The following RNASEH2B variants were observed in gnomAD, a reference collection of about 807,000 sequenced individuals.
RNASEH2B encodes the protein Aicardi-Goutieres syndrome 2 protein.
Under a neutral mutation model 45.0 loss-of-function variants are expected in RNASEH2B, and 36 were observed. The ratio of observed to expected loss-of-function variants is 0.80; its 90% CI spans 0.61 to 1.06. The LOEUF is 1.06. Ranked by LOEUF, RNASEH2B falls within the 50% of genes least tolerant of loss-of-function variation. The pLI is 0.00. For missense variants in RNASEH2B, 361 were observed against 360.3 expected (o/e 1.00, Z -0.02); for synonymous variants, 119 against 125.7 (o/e 0.95, Z 0.35).
chr13:50,962,417 T>C (rs535706143), intron 9 of RNASEH2B, among the ~76,000 whole-genome samples: 1 of 152,148 alleles, frequency 6.6e-6, no homozygotes, highest in Non-Finnish European at 1.5e-5. Flanking sequence ...TCTTTTTTTT[T>C]CTTGTGCCAG....
intron 1 of RNASEH2B, among the ~76,000 whole-genome samples, chr13:50,922,995 A>C (rs1951544693): frequency 6.6e-6 from 1 of 152,262 alleles, no homozygotes. Flanking sequence ...AAATTGTAAA[A>C]GGATCTAAAG....
At chr13:50,945,066 T>C (rs973009119) in intron 6 of RNASEH2B, among the ~76,000 whole-genome samples, 3 of 152,222 alleles carry the variant, frequency 2.0e-5, no homozygotes, top group Non-Finnish European at 2.9e-5. Context: ...AGGTGAATGC[T>C]ATTTTTTTCC....
intron 7 of RNASEH2B, 40 bp downstream of exon 7, chr13:50,945,572 G>T: frequency 7.3e-7 from 1 of 1,378,350 alleles, no homozygotes; most frequent in Non-Finnish European, 1.0e-6. Context: ...TTTGTCTGGA[G>T]TAAGTTGCTT....
At chr13:50,947,349 G>C (rs1414772644) in intron 7 of RNASEH2B, among the ~76,000 whole-genome samples, 3 of 151,312 alleles carry the variant, frequency 2.0e-5, no homozygotes, top group African/African-American at 7.3e-5. Context: ...ATTCTGCTGA[G>C]TTAGTTGTTT....
intron 7 of RNASEH2B, among the ~76,000 whole-genome samples, chr13:50,947,710 T>C (rs1357948940): frequency 6.6e-6 from 1 of 152,122 alleles, no homozygotes; most frequent in Non-Finnish European, 1.5e-5. Flanking sequence ...GTTTTTGTTT[T>C]TAATGTCATT....
In RNASEH2B at chr13:50,953,999, G is replaced by A. The variant is rs1043966687; in HGVS notation, c.822+14G>A. 6.6e-7 allele frequency: 1 copy of A among 1,513,844 alleles called. No individual in the cohort carries two copies. Among genetic ancestry groups the A allele is most frequent in the Admixed American group, 1.7e-5 (1 of 59,772 alleles). The allele number at this position is 1,513,844 out of a possible 1,614,324, so 93.8% of individuals were successfully genotyped here. A position where few individuals can be genotyped will look rare whatever the true frequency, so the allele number is the denominator to read the frequency against. Reference sequence around the variant, plus strand: ...AAGACTGAAAAGGTATGTGGGTTCAGGTGTAGTGGTGTTTCGTTCATACTC... The same window carrying A: ...AAGACTGAAAAGGTATGTGGGTTCAAGTGTAGTGGTGTTTCGTTCATACTC... On this transcript the variant is annotated intron_variant, in intron 10 of 10. Transcript: ENST00000336617.
At chr13:50,959,747 C>T (rs1952092096), downstream of RNASEH2B, 1 of 152,524 alleles carries the variant, frequency 6.6e-6, no homozygotes. Flanking sequence ...GCCACCACGC[C>T]TGGCCTATTT....
intron 9 of RNASEH2B, 99 bp from the exon 10 acceptor site, chr13:50,953,806 T>C: frequency 1.3e-6 from 1 of 793,638 alleles, no homozygotes; most frequent in Non-Finnish European, 2.2e-6. Context: ...CCCATTCGCC[T>C]CTGTAGAGGT....
intron 1 of RNASEH2B, among the ~76,000 whole-genome samples, chr13:50,916,045 A>G (rs998778744): frequency 1.3e-5 from 2 of 151,886 alleles, no homozygotes; most frequent in African/African-American, 4.8e-5. Flanking sequence ...ACTTTAAATA[A>G]TTAGAATAAT....
At chr13:50,927,606 G>T in intron 2 of RNASEH2B, 128 bp downstream of exon 2, 2 of 702,442 alleles carry the variant, frequency 2.8e-6, no homozygotes, top group South Asian at 3.0e-5. Flanking sequence ...GTGAGGAGAA[G>T]AAAACAAGGT....
intron 1 of RNASEH2B, chr13:50,912,077 T>C (rs896088884): frequency 1.5e-4 from 23 of 152,348 alleles, no homozygotes; most frequent in African/African-American, 5.5e-4. Flanking sequence ...ACTGTGACCT[T>C]TTAAGGCATT....
intron 1 of RNASEH2B, among the ~76,000 whole-genome samples, chr13:50,920,486 C>T (rs1339983925): frequency 2.0e-5 from 3 of 152,170 alleles, no homozygotes; most frequent in Non-Finnish European, 4.4e-5. Context: ...ACCACAGGGG[C>T]AGAGCTTGAG....
intron 4 of RNASEH2B, among the ~76,000 whole-genome samples, chr13:50,931,039 C>G (rs1169965662): frequency 6.6e-6 from 1 of 152,198 alleles, no homozygotes; most frequent in African/African-American, 2.4e-5. Flanking sequence ...TTGACAAAGC[C>G]TGACAGCTAA....
chr13:50,940,386 A>T (rs1951819645), intron 5 of RNASEH2B, among the ~76,000 whole-genome samples: 1 of 152,244 alleles, frequency 6.6e-6, no homozygotes, highest in Non-Finnish European at 1.5e-5. Flanking sequence ...GAACATGAAC[A>T]TTGCGTGAAC....
At chr13:50,962,612 T>C (rs1952122201) in intron 9 of RNASEH2B, among the ~76,000 whole-genome samples, 3 of 152,226 alleles carry the variant, frequency 2.0e-5, no homozygotes, top group Admixed American at 2.0e-4. Context: ...TTAGTATAGC[T>C]AAAGGTTTGT....
chr13:50,915,206 G>T (rs1025329191), intron 1 of RNASEH2B: 4 of 387,330 alleles, frequency 1.0e-5, no homozygotes, highest in Non-Finnish European at 1.8e-5. Context: ...ATTTCTTCCT[G>T]CAATGTCTTT....
chr13:50,936,578 G>A (rs1237851202), intron 5 of RNASEH2B: 2 of 152,198 alleles, frequency 1.3e-5, no homozygotes, highest in African/African-American at 4.8e-5. Context: ...TTTGGCAGAA[G>A]ACAGCAGTCT....
At chr13:50,949,413 G>T (rs187099374) in intron 8 of RNASEH2B, 50 bp from the exon 9 acceptor site, 1 of 1,575,848 alleles carries the variant, frequency 6.3e-7, no homozygotes, top group Non-Finnish European at 8.7e-7. Context: ...CTTTCTGTTT[G>T]TTTGTCTATG....
At chr13:50,960,829 C>A (rs1051363727), downstream of RNASEH2B, among the ~76,000 whole-genome samples, 1 of 152,124 alleles carries the variant, frequency 6.6e-6, no homozygotes, top group African/African-American at 2.4e-5. Flanking sequence ...TGGAAGGATT[C>A]ATTTTGCATT....
Sources: allele counts gnomAD v4.1 joint callset (sites outside exome capture counted in the v4.1 genomes callset), GRCh38; gene constraint gnomAD v4.1.1; transcripts MANE v1.5; gene names NCBI Gene and HGNC (gene_info 2026-07-23, HGNC 2026-07-21).